Variants in VWF observed in about 807,000 individuals in gnomAD.
The protein encoded by VWF is Factor VIII related antigen.
Under a neutral mutation model 308.6 loss-of-function variants are expected in VWF, and 176 were observed. That is an observed-to-expected ratio of 0.57 (90% confidence interval 0.50 to 0.65). The LOEUF (loss-of-function observed/expected upper bound fraction) is 0.65. Among genes scored for constraint, VWF ranks in the 30% least tolerant of loss-of-function variants. The pLI is 0.00. For missense variants in VWF, 3,146 were observed against 3,648.2 expected, an observed-to-expected ratio of 0.86 and a Z score of 3.55; for synonymous variants, 1,385 against 1,443.4, an observed-to-expected ratio of 0.96 and a Z score of 0.92.
intron 6 of VWF, among the ~76,000 whole-genome samples, chr12:6,089,221 A>T (rs1412546134): frequency 2.0e-5 from 3 of 152,170 alleles, no homozygotes; most frequent in Admixed American, 6.6e-5. Context: ...CTCTTGGGAG[A>T]CGAGTCATTG....
chr12:5,949,014 C>T lies in VWF; in HGVS notation c.*1G>A. On this transcript the variant is annotated 3_prime_UTR_variant, in exon 52 of 52. Coordinates refer to ENST00000261405, the MANE Select transcript of VWF (RefSeq NM_000552.5). ...CAGGCACCCATGCAGCTGCAGCAGC[C>T]TCACTTGCTGCACTTCCTGGGGGAG... is the stretch of plus-strand genomic sequence containing the variant. 6.2e-7 allele frequency: 1 copy of T among 1,612,150 alleles called. No homozygotes were observed. The highest frequency in any genetic ancestry group is 8.5e-7 in the Non-Finnish European group (1 of 1,179,264).
rs1943804468 is a variant in VWF, at chr12:5,996,046, C to T, written c.6019G>A (p.Val2007Met). The change falls in exon 35 of 52, where the codon GTG (valine) becomes ATG (methionine). Residue 2007 changes from valine to methionine, a missense_variant. Physicochemically the swap from Val to Met is conservative, Grantham distance 21 (BLOSUM62 1). Transcript: ENST00000261405. Reference sequence around the variant, plus strand: ...TCGACGGAGAGGGCACTGTGCTTCACCTCGATGGATTTCATGCAGCCCTGC... The same window carrying T: ...TCGACGGAGAGGGCACTGTGCTTCATCTCGATGGATTTCATGCAGCCCTGC... ...ARQGCMKSIEVKHSALSVELH... is the reference protein window; with the variant it reads ...ARQGCMKSIEMKHSALSVELH... The T allele has an allele frequency of 1.9e-6, 3 of 1,613,742 alleles. No homozygotes were observed. The highest frequency in any genetic ancestry group is 4.5e-5 in the East Asian group (2 of 44,886).
At chr12:6,111,907 G>C (rs1428179754) in intron 3 of VWF, among the ~76,000 whole-genome samples, 5 of 150,626 alleles carry the variant, frequency 3.3e-5, no homozygotes, top group Non-Finnish European at 7.4e-5. Context: ...GCAGTGAGCG[G>C]AGATCGCGCC....
chr12:6,041,674 C>T (rs1944398100), intron 18 of VWF, among the ~76,000 whole-genome samples: 1 of 151,998 alleles, frequency 6.6e-6, no homozygotes, highest in Non-Finnish European at 1.5e-5. Context: ...GTCTCGATCT[C>T]CTGACCTCGT....
At chr12:6,043,813 G>A (rs949163157) in intron 18 of VWF, among the ~76,000 whole-genome samples, 2 of 152,250 alleles carry the variant, frequency 1.3e-5, no homozygotes, top group Admixed American at 1.3e-4. Context: ...TTGTGGGGAA[G>A]AGACTTGTTG....
At position 6,016,743 on chromosome 12, in the gene VWF, C is replaced by G. The variant is rs11063986; in HGVS notation, c.5170+11G>C. 5.1e-5 allele frequency: 82 copies of G among 1,614,200 alleles called. No individual in the cohort carries two copies. Among genetic ancestry groups the G allele is most frequent in the Middle Eastern group, 1.7e-4 (1 of 6,052 alleles). On this transcript the variant is annotated intron_variant, in intron 29 of 51. Transcript: ENST00000261405. The stretch of plus-strand genomic sequence containing the variant: ...TCGTCACCTGCTGCTTCAGGTGCCT[C>G]GCTCACCCACCTATATTGGCTTTTG...
At chr12:5,973,667 G>C (rs1006388863) in intron 43 of VWF, among the ~76,000 whole-genome samples, 9 of 152,162 alleles carry the variant, frequency 5.9e-5, no homozygotes, top group Admixed American at 5.2e-4. Context: ...CCATTCCCTG[G>C]GGTGGCCCTG....
At position 5,981,926 on chromosome 12, in the gene VWF, G is replaced by A; in HGVS notation, c.7147C>T (p.Leu2383Phe). 1 of 1,613,918 alleles carries A rather than the reference G, an allele frequency of 6.2e-7. No individual in the cohort carries two copies. Among genetic ancestry groups the A allele is most frequent in the Non-Finnish European group, 8.5e-7 (1 of 1,179,974 alleles). Residue 2383 changes from leucine to phenylalanine, a missense_variant, in exon 42 of 52, where the codon CTT becomes TTT. Transcript: ENST00000261405. Reference sequence around the variant, plus strand: ...TCATCACAGCACTGGGTCTTCCGAAGGGTGGGCAAACGGTGCGGGGGGCAG... The same window carrying A: ...TCATCACAGCACTGGGTCTTCCGAAAGGTGGGCAAACGGTGCGGGGGGCAG... ...PSCPPHRLPTLRKTQCCDEYE... is the reference protein window; with the variant it reads ...PSCPPHRLPTFRKTQCCDEYE...
intron 5 of VWF, among the ~76,000 whole-genome samples, chr12:6,097,165 C>T (rs1449346677): frequency 1.3e-5 from 2 of 152,066 alleles, no homozygotes; most frequent in African/African-American, 4.8e-5. Context: ...AGGCCGGGCA[C>T]GGTGGCTGAC....
chr12:6,096,310 A>C lies in VWF; in HGVS notation c.533-726T>G, dbSNP rs531149722. Among the ~76,000 whole-genome samples, 383 of 152,200 alleles carry C rather than the reference A, an allele frequency of 2.5e-3. 3 individuals are homozygous for C. In the South Asian group the frequency reaches 0.031, roughly 12 times the overall value. ...TAACTATCTCCATTCCTTCTTCAAG[A>C]TGCAGCTCAAGAACCACTGCCTCCA... is the stretch of plus-strand genomic sequence containing the variant. On this transcript the variant is annotated intron_variant, in intron 5 of 51. Transcript: ENST00000261405.
At chr12:6,029,535 C>T (rs747818805) in intron 21 of VWF, 47 bp from the exon 22 acceptor site, 2 of 1,610,642 alleles carry the variant, frequency 1.2e-6, no homozygotes, top group Non-Finnish European at 1.7e-6. Flanking sequence ...AGGGCAGGCT[C>T]GACAGCCAGA....
intron 3 of VWF, among the ~76,000 whole-genome samples, chr12:6,116,889 T>C (rs574463674): frequency 6.6e-6 from 1 of 152,276 alleles, no homozygotes; most frequent in South Asian, 2.1e-4. Context: ...AGGATGTCAT[T>C]GCAGAACAAT....
intron 3 of VWF, among the ~76,000 whole-genome samples, chr12:6,114,582 G>A (rs1256290686): frequency 6.6e-6 from 1 of 152,208 alleles, no homozygotes; most frequent in Non-Finnish European, 1.5e-5. Flanking sequence ...CTCGGGGCTG[G>A]CCAGGCGGCA....
chr12:6,059,640 T>C (rs1944631851), intron 13 of VWF, among the ~76,000 whole-genome samples: 1 of 152,232 alleles, frequency 6.6e-6, no homozygotes. Flanking sequence ...CTCTGAGGTC[T>C]TTTAAAAGGG....
rs2159367 is a variant in VWF at position 6,084,058 on chromosome 12, G to A, written c.658-8507C>T. On this transcript the variant is annotated intron_variant, in intron 6 of 51. Transcript: ENST00000261405. ...CATCCTACCCCAAACTTCTTTACAT[G>A]AGAGATAAATAAACTTAGATTGTAT... is the stretch of plus-strand genomic sequence containing the variant. 5.9e-3 allele frequency among the ~76,000 whole-genome samples: 896 copies of A among 152,224 alleles called. 48 individuals are homozygous for A. The East Asian group carries it at 0.12, about 21-fold the overall frequency.
intron 5 of VWF, among the ~76,000 whole-genome samples, chr12:6,096,296 A>G (rs1172884968): frequency 1.3e-5 from 2 of 151,990 alleles, no homozygotes; most frequent in Non-Finnish European, 2.9e-5. Context: ...AACTATCTCC[A>G]TTCCTTCTTC....
At position 6,121,486 on chromosome 12, in the gene VWF, G is replaced by A. The variant is rs1033090308; in HGVS notation, c.56-148C>T. 7.0e-6 allele frequency: 7 copies of A among 998,074 alleles called. No individual in the cohort carries two copies. The African/African-American group carries it at 1.1e-4, about 16-fold the overall frequency. 61.8% of individuals were successfully genotyped at this position (998,074 alleles called of 1,614,324 possible). ...ATTTTCCATCCTAAATGAGACTAAAGCTGTTGCTTTCAGCTCCCAGATATG... is the reference window on the plus strand; with the variant it reads ...ATTTTCCATCCTAAATGAGACTAAAACTGTTGCTTTCAGCTCCCAGATATG... On this transcript the variant is annotated intron_variant, in intron 2 of 51. Coordinates refer to ENST00000261405, the MANE Select transcript of VWF (RefSeq NM_000552.5).
rs199985240 is a variant in VWF at position 6,092,603 on chromosome 12, TAGTG to T, written c.657+2853_657+2856del. 2.8e-4 allele frequency among the ~76,000 whole-genome samples: 18 copies of T among 65,428 alleles called. No individual in the cohort carries two copies. The East Asian group carries it at 8.8e-3, about 32-fold the overall frequency. 42.9% of individuals were successfully genotyped at this position (65,428 alleles called of 152,430 possible). A position where few individuals can be genotyped will look rare whatever the true frequency, so the allele number is the denominator to read the frequency against. On this transcript the variant is annotated intron_variant, in intron 6 of 51. Coordinates refer to ENST00000261405, the MANE Select transcript of VWF (RefSeq NM_000552.5). ...GTGCATGCCACCATGCCCAGCTAGT[TAGTG>T]AGTGAGTGAGAGTGTGTGTGTGTGT... is the stretch of plus-strand genomic sequence containing the variant.
chr12:5,970,713 T>C (rs944965665), intron 44 of VWF, among the ~76,000 whole-genome samples: 1 of 151,974 alleles, frequency 6.6e-6, no homozygotes, highest in Non-Finnish European at 1.5e-5. Flanking sequence ...GGGTAGGAGA[T>C]GGGAAAGGCT....
Sources: gnomAD v4.1 joint callset for allele counts (sites outside exome capture counted in the v4.1 genomes callset) on GRCh38, gnomAD v4.1.1 for gene constraint, MANE v1.5 for transcripts, NCBI Gene and HGNC (gene_info 2026-07-23, HGNC 2026-07-21) for gene names.